MPP7: variants seen among roughly 807,000 people sequenced by gnomAD.
The protein encoded by MPP7 is MAGUK p55 scaffold protein 7.
MPP7 carries 60 observed loss-of-function variants against 76.5 expected under a neutral mutation model. That is an observed-to-expected ratio of 0.78 (90% CI 0.64 to 0.97). The LOEUF is 0.97. Ranked by LOEUF, MPP7 falls within the 50% of genes least tolerant of loss-of-function variation. MPP7 has a pLI of 0.00. For missense variants in MPP7, 641 were observed against 694.0 expected (o/e 0.92, Z 0.86); for synonymous variants, 237 against 244.5 (o/e 0.97, Z 0.29).
chr10:28,246,745 T>C (rs1839447308), intron 1 of MPP7, among the ~76,000 whole-genome samples: 1 of 152,148 alleles, frequency 6.6e-6, no homozygotes, highest in South Asian at 2.1e-4. Flanking sequence ...AAAAAGAGCA[T>C]GGTGGAAACC....
rs764124168 is a variant in MPP7, at chr10:28,202,269, G to A, written c.40C>T (p.Leu14=). 1 of 1,601,906 alleles carries A rather than the reference G, an allele frequency of 6.2e-7. No homozygotes were observed. The highest frequency in any genetic ancestry group is 1.7e-5 in the Admixed American group (1 of 58,794). The change falls in exon 3 of 17, where the codon CTG becomes TTG. Residue 14 remains leucine (L), a splice_region_variant and synonymous_variant. Coordinates refer to ENST00000683449, the MANE Select transcript of MPP7 (RefSeq NM_001318170.2). The part of the protein sequence containing the change: ...LSTGSGSDTG[L]YELLAALPAQ... ...GGCAGAGCAGCCAACAGCTCATACA[G>A]ACCTATAAAATGAAAATAAAACACA... is the stretch of plus-strand genomic sequence containing the variant.
chr10:28,243,498 T>G (rs1038195114), intron 1 of MPP7, among the ~76,000 whole-genome samples: 1 of 152,142 alleles, frequency 6.6e-6, no homozygotes, highest in Non-Finnish European at 1.5e-5. Flanking sequence ...TAGAAAATCA[T>G]GCATGAACGA....
intron 11 of MPP7, among the ~76,000 whole-genome samples, chr10:28,092,577 C>CTTTTTTTTTTTTT (rs397969009): frequency 8.3e-6 from 1 of 121,108 alleles, no homozygotes; most frequent in African/African-American, 3.2e-5. Context: ...GAAAAGGGAC[C>CTTTTTTTTTTTTT]TTTTTTTTTT....
chr10:28,063,202 T>C (rs1454669473), intron 13 of MPP7, among the ~76,000 whole-genome samples: 2 of 152,070 alleles, frequency 1.3e-5, no homozygotes, highest in African/African-American at 4.8e-5. Context: ...GCCTCATACC[T>C]GTAATCCCAC....
intron 3 of MPP7, among the ~76,000 whole-genome samples, chr10:28,177,206 T>C (rs1836897823): frequency 7.0e-6 from 1 of 142,274 alleles, no homozygotes; most frequent in Admixed American, 7.6e-5. Flanking sequence ...CATGAGGTCA[T>C]GAGTTCGAGA....
intron 3 of MPP7, among the ~76,000 whole-genome samples, chr10:28,194,423 G>A (rs894971186): frequency 2.6e-5 from 4 of 152,172 alleles, no homozygotes; most frequent in Admixed American, 2.0e-4. Flanking sequence ...GCACACAAAT[G>A]TTTATAGAAA....
chr10:28,083,495 T>C (rs956878251), intron 12 of MPP7, among the ~76,000 whole-genome samples: 7 of 152,048 alleles, frequency 4.6e-5, no homozygotes, highest in Non-Finnish European at 1.0e-4. Context: ...ACTAAGAAGT[T>C]TGCATTAATA....
At chr10:28,297,473 T>G (rs972613665) in intron 1 of MPP7, among the ~76,000 whole-genome samples, 19 of 151,960 alleles carry the variant, frequency 1.3e-4, no homozygotes, top group African/African-American at 4.6e-4. Context: ...CTGAGGTGGG[T>G]GGACTGCGTG....
chr10:28,300,421 T>C (rs1841128274), intron 1 of MPP7, among the ~76,000 whole-genome samples: 1 of 152,188 alleles, frequency 6.6e-6, no homozygotes, highest in African/African-American at 2.4e-5. Context: ...TCATTTTCTG[T>C]ATAATCAACA....
At position 28,310,002 on chromosome 10, in the gene MPP7, C is replaced by CTTTTT. The variant is rs770667750; in HGVS notation, c.-132+19922_-132+19926dup. 8.9e-3 allele frequency among the ~76,000 whole-genome samples: 985 copies of CTTTTT among 111,276 alleles called. 18 individuals are homozygous for CTTTTT. Among genetic ancestry groups the CTTTTT allele is most frequent in the African/African-American group, 0.031 (926 of 29,626 alleles). 73.0% of individuals were successfully genotyped at this position (111,276 alleles called of 152,430 possible). On this transcript the variant is annotated intron_variant, in intron 2 of 11. Transcript: ENST00000441595. ...AACTGGGAGCCAATGCCAATTAAAC[C>CTTTTT]TTTTTTTTTTTTTTTTTTAAACGGA...
At chr10:28,059,614 A>C in intron 14 of MPP7, 36 bp downstream of exon 14, 2 of 1,420,234 alleles carry the variant, frequency 1.4e-6, no homozygotes, top group Non-Finnish European at 2.0e-6. Flanking sequence ...CTTATAAAAA[A>C]CAGTCACATG....
chr10:28,092,764 G>A (rs1331824753), intron 11 of MPP7, among the ~76,000 whole-genome samples: 4 of 58,912 alleles, frequency 6.8e-5, no homozygotes, highest in Non-Finnish European at 1.1e-4. Flanking sequence ...TTTTTTTGAA[G>A]AGATAAGGTT....
rs190193767 is a variant in MPP7 at position 28,274,316 on chromosome 10, G to A, written c.-132+28545C>T. Among the ~76,000 whole-genome samples the A allele has an allele frequency of 4.7e-3, 711 of 151,020 alleles. 7 individuals are homozygous for A. The highest frequency in any genetic ancestry group is 0.016 in the African/African-American group (645 of 41,144). ...ACGGGGTTTCACCGGAGCCAGGATG[G>A]TCTCAAGCTCCTGACCTCGTGATCC... is the stretch of plus-strand genomic sequence containing the variant. On this transcript the variant is annotated intron_variant, in intron 1 of 16. Transcript: ENST00000683449.
At chr10:28,178,262 C>T (rs139613577) in intron 3 of MPP7, among the ~76,000 whole-genome samples, 5 of 152,064 alleles carry the variant, frequency 3.3e-5, no homozygotes, top group East Asian at 1.9e-4. Context: ...CCAGGAAAGG[C>T]GAGAAGGAAT....
At chr10:28,120,170 C>T (rs780700272) in intron 10 of MPP7, 24 bp downstream of exon 10, 2 of 1,602,826 alleles carry the variant, frequency 1.2e-6, no homozygotes. Flanking sequence ...GGAGAAAAGC[C>T]ATTATTATGT....
intron 1 of MPP7, among the ~76,000 whole-genome samples, chr10:28,273,713 C>T (rs1012297170): frequency 6.6e-6 from 1 of 152,246 alleles, no homozygotes; most frequent in Admixed American, 6.5e-5. Flanking sequence ...ATTTCCTCTT[C>T]TTTGCAGAAC....
At chr10:28,077,430 A>C (rs974338821) in intron 12 of MPP7, among the ~76,000 whole-genome samples, 2 of 152,192 alleles carry the variant, frequency 1.3e-5, no homozygotes, top group Non-Finnish European at 2.9e-5. Context: ...GTGGGCCTAC[A>C]AACAGCATTT....
chr10:28,299,008 T>C (rs1193925045), intron 1 of MPP7, among the ~76,000 whole-genome samples: 2 of 152,232 alleles, frequency 1.3e-5, no homozygotes, highest in Admixed American at 1.3e-4. Context: ...CTTAAGGGAA[T>C]GTTGTGGCTG....
intron 1 of MPP7, among the ~76,000 whole-genome samples, chr10:28,286,364 A>T (rs566571760): frequency 5.3e-5 from 8 of 152,154 alleles, no homozygotes; most frequent in South Asian, 2.1e-4. Flanking sequence ...ATAATAATAA[A>T]AAATAAAAAA....
Sources: gnomAD v4.1 joint callset for allele counts (sites outside exome capture counted in the v4.1 genomes callset) on GRCh38, gnomAD v4.1.1 for gene constraint, MANE v1.5 for transcripts, NCBI Gene and HGNC (gene_info 2026-07-23, HGNC 2026-07-21) for gene names.